WDR64: variants seen among roughly 807,000 people sequenced by gnomAD.
The protein encoded by WDR64 is WD repeat-containing protein 64.
Under a neutral mutation model 139.3 loss-of-function variants are expected in WDR64, and 112 were observed. That is an observed-to-expected ratio of 0.80 (90% CI 0.69 to 0.94). The LOEUF (loss-of-function observed/expected upper bound fraction) is 0.94. Ranked by LOEUF, WDR64 falls within the 40% of genes least tolerant of loss-of-function variation. WDR64 has a pLI of 0.00. For synonymous variants in WDR64, 444 were observed against 437.7 expected (o/e 1.01, Z -0.18); for missense variants, 1,206 against 1,293.1 (o/e 0.93, Z 1.03).
At chr1:241,738,858 T>C (rs941549058) in intron 11 of WDR64, among the ~76,000 whole-genome samples, 25 of 152,204 alleles carry the variant, frequency 1.6e-4, no homozygotes, top group African/African-American at 6.0e-4. Flanking sequence ...AAGAAATGCC[T>C]GGGCTAAGCA....
intron 10 of WDR64, among the ~76,000 whole-genome samples, chr1:241,737,052 T>A (rs1052052953): frequency 6.6e-6 from 1 of 152,226 alleles, no homozygotes; most frequent in Non-Finnish European, 1.5e-5. Flanking sequence ...CACTTTTGTG[T>A]CTCTTCCTCT....
At chr1:241,684,317 CAT>C (rs1012220070) in intron 7 of WDR64, among the ~76,000 whole-genome samples, 9 of 152,246 alleles carry the variant, frequency 5.9e-5, no homozygotes, top group South Asian at 2.1e-4. Context: ...AATTCACAAA[CAT>C]GTGCACACAG....
rs1298113682 is a variant in WDR64 at position 241,783,341 on chromosome 1, A to G, written c.2665A>G (p.Lys889Glu). 7 of 1,613,968 alleles carry G rather than the reference A, an allele frequency of 4.3e-6. No individual in the cohort carries two copies. Among genetic ancestry groups the G allele is most frequent in the Non-Finnish European group, 5.9e-6 (7 of 1,180,000 alleles). The change falls in exon 23 of 28, where the codon AAA (lysine) becomes GAA (glutamate). Residue 889 changes from lysine to glutamate, a missense_variant. Coordinates refer to ENST00000437684, the MANE Select transcript of WDR64 (RefSeq NM_001367482.1). Reference protein sequence around the residue: ...EIIQVIYVEEKQVVLTASIDG... With the variant: ...EIIQVIYVEEEQVVLTASIDG... ...TATTCAAGTAATCTATGTAGAAGAA[A>G]AACAAGTGGTACTTACTGCCTCCAT...
At chr1:241,664,752 C>T (rs974461342) in intron 2 of WDR64, among the ~76,000 whole-genome samples, 3 of 151,508 alleles carry the variant, frequency 2.0e-5, no homozygotes, top group Non-Finnish European at 2.9e-5. Flanking sequence ...ACAATAGCCA[C>T]GCAATGTAGA....
In WDR64 at chr1:241,696,734, G is replaced by A. The variant is rs576462708; in HGVS notation, c.974+9139G>A. Reference sequence around the variant, plus strand: ...ATAATGAGCAGTGAGGATGACCAGAGGTCACTCTCATGGCCATCTTGGGTT... The same window carrying A: ...ATAATGAGCAGTGAGGATGACCAGAAGTCACTCTCATGGCCATCTTGGGTT... On this transcript the variant is annotated intron_variant, in intron 8 of 27. Coordinates refer to ENST00000437684, the MANE Select transcript of WDR64 (RefSeq NM_001367482.1). 3.1e-4 allele frequency among the ~76,000 whole-genome samples: 47 copies of A among 152,220 alleles called. 1 individual carries two copies. In the South Asian group the frequency reaches 9.3e-3, roughly 30 times the overall value.
Position 241,711,825 on chromosome 1 carries a change from C to G in WDR64, c.998C>G (p.Pro333Arg). Reference sequence around the variant, plus strand: ...AGGCCTGTCAGAGAGTTTTCCATGCCAAGAGGAGCCAACACTTTTTGCTAC... The same window carrying G: ...AGGCCTGTCAGAGAGTTTTCCATGCGAAGAGGAGCCAACACTTTTTGCTAC... ...DNLPVREFSMPRGANTFCYCV... is the reference protein window; with the variant it reads ...DNLPVREFSMRRGANTFCYCV... The change falls in exon 9 of 28, where the codon CCA (proline) becomes CGA (arginine). Residue 333 changes from proline to arginine, a missense_variant. Coordinates refer to ENST00000437684, the MANE Select transcript of WDR64 (RefSeq NM_001367482.1). 6.2e-7 allele frequency: 1 copy of G among 1,614,084 alleles called. No homozygotes were observed.
intron 8 of WDR64, among the ~76,000 whole-genome samples, chr1:241,692,036 A>T (rs538944143): frequency 3.2e-4 from 49 of 152,106 alleles, no homozygotes; most frequent in Admixed American, 2.5e-3. Flanking sequence ...AATAAAAAAA[A>T]AAAAAAGAAA....
At chr1:241,657,602 CT>C in intron 1 of WDR64, among the ~76,000 whole-genome samples, 1 of 152,116 alleles carries the variant, frequency 6.6e-6, no homozygotes, top group South Asian at 2.1e-4. Flanking sequence ...GTGGCTGACC[CT>C]TTTTTTGCTC....
chr1:241,791,751 T>C (rs1349639625), intron 25 of WDR64, among the ~76,000 whole-genome samples: 2 of 152,194 alleles, frequency 1.3e-5, no homozygotes. Context: ...CATAATATGC[T>C]TGTCTCAAGG....
chr1:241,711,896 C>T lies in WDR64; in HGVS notation c.1054+15C>T, dbSNP rs1179289187. 1.9e-6 allele frequency: 3 copies of T among 1,613,548 alleles called. No homozygotes were observed. Among genetic ancestry groups the T allele is most frequent in the Non-Finnish European group, 2.5e-6 (3 of 1,179,552 alleles). ...TGTCACTGGAGGTGAGAGGGCGGTT[C>T]ACATTACATAGGGGTTTTCTACTTT... On this transcript the variant is annotated intron_variant, in intron 9 of 27. Coordinates refer to ENST00000437684, the MANE Select transcript of WDR64 (RefSeq NM_001367482.1).
At position 241,796,377 on chromosome 1, in the gene WDR64, T is replaced by C. The variant is rs780804783; in HGVS notation, c.3192+7T>C. 6.3e-7 allele frequency: 1 copy of C among 1,578,650 alleles called. No homozygotes were observed. The highest frequency in any genetic ancestry group is 1.7e-5 in the Admixed American group (1 of 59,294). ...TCATGTTCAACGTGAAAAAGTAAGT[T>C]AGTACTAATTCCACCGTTAACTCCA... On this transcript the variant is annotated splice_region_variant and intron_variant, in intron 27 of 27. Coordinates refer to ENST00000437684, the MANE Select transcript of WDR64 (RefSeq NM_001367482.1).
chr1:241,701,613 GAGA>G (rs1213665791), intron 8 of WDR64, among the ~76,000 whole-genome samples: 2 of 152,310 alleles, frequency 1.3e-5, no homozygotes, highest in South Asian at 2.1e-4. Context: ...GTATTCGTCT[GAGA>G]AGAAGTCAGG....
At chr1:241,746,938 T>G (rs372482102) in intron 13 of WDR64, among the ~76,000 whole-genome samples, 22 of 152,264 alleles carry the variant, frequency 1.4e-4, no homozygotes, top group East Asian at 9.7e-4. Context: ...TTTTGTATTT[T>G]TAGTAGAGAC....
chr1:241,770,010 G>A (rs1329845080), intron 17 of WDR64, among the ~76,000 whole-genome samples: 1 of 152,178 alleles, frequency 6.6e-6, no homozygotes, highest in East Asian at 1.9e-4. Context: ...AAGAGCTCTG[G>A]TTTGCAGGCA....
chr1:241,715,802 A>T (rs1668379971), intron 9 of WDR64, among the ~76,000 whole-genome samples: 2 of 152,142 alleles, frequency 1.3e-5, no homozygotes, highest in Admixed American at 1.3e-4. Flanking sequence ...TAATCTTAGT[A>T]TTTTAATCAT....
At chr1:241,728,131 G>A (rs1029893948) in intron 10 of WDR64, among the ~76,000 whole-genome samples, 1 of 152,040 alleles carries the variant, frequency 6.6e-6, no homozygotes, top group Non-Finnish European at 1.5e-5. Flanking sequence ...TTAGGAGTTC[G>A]AGATCAGCCT....
Position 241,772,899 on chromosome 1 carries a change from G to A in WDR64, c.2398G>A (p.Glu800Lys), listed in dbSNP as rs550648149. ...AQPPILVTAHEDGHLRLWTLE... is the reference protein window; with the variant it reads ...AQPPILVTAHKDGHLRLWTLE... ...GCCACCTATCCTTGTCACTGCTCAT[G>A]AGGATGGACACCTCCGCTTGTGGAC... Residue 800 changes from glutamate to lysine, a missense_variant, in exon 20 of 28, where the codon GAG becomes AAG. By Grantham distance (56) the Glu-to-Lys change is moderately conservative (BLOSUM62 1). Coordinates refer to ENST00000437684, the MANE Select transcript of WDR64 (RefSeq NM_001367482.1). The A allele has an allele frequency of 4.0e-5, 62 of 1,551,856 alleles. No homozygotes were observed. Among genetic ancestry groups the A allele is most frequent in the Admixed American group, 2.4e-4 (12 of 50,992 alleles).
chr1:241,721,279 C>G (rs1049252330), intron 9 of WDR64, among the ~76,000 whole-genome samples: 3 of 152,078 alleles, frequency 2.0e-5, no homozygotes, highest in Non-Finnish European at 4.4e-5. Flanking sequence ...GCTGTTCAGG[C>G]TCTTTTTTGG....
chr1:241,660,381 G>T lies in WDR64; in HGVS notation c.146-149G>T, dbSNP rs1490259024. ...CTTTGTTCTTTTTGCTTAGGATTGT[G>T]CAAAGACAAGGTCTTTAAAATGCAA... is the stretch of plus-strand genomic sequence containing the variant. On this transcript the variant is annotated intron_variant, in intron 1 of 27. Coordinates refer to ENST00000437684, the MANE Select transcript of WDR64 (RefSeq NM_001367482.1). 31 of 964,800 alleles carry T rather than the reference G, an allele frequency of 3.2e-5. No homozygotes were observed. The East Asian group carries it at 7.9e-4, about 24-fold the overall frequency. 59.8% of individuals were successfully genotyped at this position (964,800 alleles called of 1,614,324 possible).
Sources: gnomAD v4.1 joint callset for allele counts (sites outside exome capture counted in the v4.1 genomes callset) on GRCh38, gnomAD v4.1.1 for gene constraint, MANE v1.5 for transcripts, NCBI Gene and HGNC (gene_info 2026-07-23, HGNC 2026-07-21) for gene names.